Variants in PTPRM observed in about 807,000 individuals in gnomAD.
PTPRM encodes receptor-type tyrosine-protein phosphatase mu.
Under a neutral mutation model 186.7 loss-of-function variants are expected in PTPRM, and 47 were observed. The ratio of observed to expected loss-of-function variants is 0.25; its 90% CI spans 0.20 to 0.32. The LOEUF (loss-of-function observed/expected upper bound fraction) is 0.32. PTPRM is among the 10% of genes least tolerant of loss of function. The pLI, the probability that PTPRM is intolerant of heterozygous loss-of-function variation, is 1.00. For missense variants in PTPRM, 1,494 were observed against 1,865.0 expected (o/e 0.80, Z 3.66); for synonymous variants, 668 against 674.9 (o/e 0.99, Z 0.16).
chr18:7,737,107 A>C lies in PTPRM; in HGVS notation c.74-37042A>C, dbSNP rs1019587910. 2.1e-5 allele frequency among the ~76,000 whole-genome samples: 3 copies of C among 144,626 alleles called. No individual in the cohort carries two copies. The Admixed American group carries it at 2.1e-4, about 10-fold the overall frequency. The allele number at this position is 144,626 out of a possible 152,430, so 94.9% of individuals were successfully genotyped here. A position where few individuals can be genotyped will look rare whatever the true frequency, so the allele number is the denominator to read the frequency against. On this transcript the variant is annotated intron_variant, in intron 1 of 32. Transcript: ENST00000580170. Reference sequence around the variant, plus strand: ...GCGTGAGCCACCACGCCCAGCCCCAACTCTGGAATTTTATTTTATTTTATT... The same window carrying C: ...GCGTGAGCCACCACGCCCAGCCCCACCTCTGGAATTTTATTTTATTTTATT...
At chr18:8,042,274 C>T (rs2086741720) in intron 7 of PTPRM, among the ~76,000 whole-genome samples, 1 of 152,108 alleles carries the variant, frequency 6.6e-6, no homozygotes, top group South Asian at 2.1e-4. Context: ...ATCTGAATAG[C>T]AGTTGGCTTT....
intron 31 of PTPRM, among the ~76,000 whole-genome samples, chr18:8,392,792 C>T (rs1316208773): frequency 6.6e-6 from 1 of 152,112 alleles, no homozygotes; most frequent in Non-Finnish European, 1.5e-5. Flanking sequence ...TGACGGAGCT[C>T]CCACTGGCCA....
intron 7 of PTPRM, among the ~76,000 whole-genome samples, chr18:7,966,293 C>T (rs992351409): frequency 3.3e-5 from 5 of 152,248 alleles, no homozygotes; most frequent in Non-Finnish European, 5.9e-5. Flanking sequence ...ATCCTCCATC[C>T]ATGTTATTAC....
chr18:7,927,559 C>G (rs1451317714), intron 5 of PTPRM, among the ~76,000 whole-genome samples: 1 of 151,548 alleles, frequency 6.6e-6, no homozygotes, highest in Non-Finnish European at 1.5e-5. Context: ...CTTCTGTGTA[C>G]GCGGTTGTGC....
intron 7 of PTPRM, among the ~76,000 whole-genome samples, chr18:7,957,229 T>C (rs2053377714): frequency 6.6e-6 from 1 of 152,032 alleles, no homozygotes; most frequent in Admixed American, 6.6e-5. Context: ...TCTGTACATC[T>C]CAGCTATTGA....
At chr18:8,391,155 T>C (rs937579281) in intron 31 of PTPRM, among the ~76,000 whole-genome samples, 3 of 152,128 alleles carry the variant, frequency 2.0e-5, no homozygotes, top group Non-Finnish European at 4.4e-5. Flanking sequence ...GGAACTCTTA[T>C]ACACTGTAGG....
chr18:7,738,643 G>A (rs1213161905), intron 1 of PTPRM, among the ~76,000 whole-genome samples: 4 of 149,886 alleles, frequency 2.7e-5, no homozygotes, highest in East Asian at 2.0e-4. Context: ...GGGTTTCACC[G>A]TGTTAGCCAG....
At chr18:7,578,150 T>G (rs1034885125) in intron 1 of PTPRM, among the ~76,000 whole-genome samples, 8 of 151,672 alleles carry the variant, frequency 5.3e-5, no homozygotes, top group South Asian at 2.1e-4. Flanking sequence ...TGATGATGAT[T>G]ATGATGATGA....
In PTPRM at chr18:8,311,387, C is replaced by T. The variant is rs76286671; in HGVS notation, c.2843-3394C>T. 6.3e-3 allele frequency among the ~76,000 whole-genome samples: 962 copies of T among 152,078 alleles called. 6 individuals carry two copies. The highest frequency in any genetic ancestry group is 0.017 in the Middle Eastern group (5 of 294). On this transcript the variant is annotated intron_variant, in intron 20 of 32. Coordinates refer to ENST00000580170, the MANE Select transcript of PTPRM (RefSeq NM_001105244.2). ...ATCTTGGATGATCCTGGACCACCACCCATTCATTAGCATGGGGAAGAGTTC... is the reference window on the plus strand; with the variant it reads ...ATCTTGGATGATCCTGGACCACCACTCATTCATTAGCATGGGGAAGAGTTC...
chr18:8,405,404 G>A (rs638932), intron 32 of PTPRM, among the ~76,000 whole-genome samples: 88,973 of 151,926 alleles, frequency 0.59, 26,833 homozygotes, highest in Middle Eastern at 0.69. Flanking sequence ...AGCCAGGACC[G>A]TCCAGGGCAA....
chr18:8,404,442 G>A (rs759207533), intron 32 of PTPRM: 3 of 152,186 alleles, frequency 2.0e-5, no homozygotes, highest in Non-Finnish European at 4.4e-5. Flanking sequence ...TGTACATGTA[G>A]CCGACTTTGA....
chr18:8,016,017 G>A (rs1365301334), intron 7 of PTPRM, among the ~76,000 whole-genome samples: 1 of 152,114 alleles, frequency 6.6e-6, no homozygotes, highest in Non-Finnish European at 1.5e-5. Flanking sequence ...CCTTCTTCCT[G>A]TGTAAACACT....
intron 1 of PTPRM, among the ~76,000 whole-genome samples, chr18:7,723,110 A>T (rs1200912872): frequency 6.6e-6 from 1 of 152,190 alleles, no homozygotes; most frequent in Non-Finnish European, 1.5e-5. Flanking sequence ...AAATAGGGGA[A>T]ATGATGATCA....
rs567073118 is a variant in PTPRM, at chr18:8,141,668, C to A, written c.2168-1979C>A. 3.3e-5 allele frequency among the ~76,000 whole-genome samples: 5 copies of A among 152,222 alleles called. No homozygotes were observed. In the East Asian group the frequency reaches 9.6e-4, roughly 29 times the overall value. On this transcript the variant is annotated intron_variant, in intron 13 of 32. Coordinates refer to ENST00000580170, the MANE Select transcript of PTPRM (RefSeq NM_001105244.2). ...TCTAAACATTTTTTCCCAAGTGTTG[C>A]ATTTAGTGACATAACTTAGTTACAA...
At chr18:7,892,433 A>AT (rs2049128669) in intron 3 of PTPRM, among the ~76,000 whole-genome samples, 1 of 152,194 alleles carries the variant, frequency 6.6e-6, no homozygotes, top group Non-Finnish European at 1.5e-5. Flanking sequence ...ATTTCAGGCC[A>AT]TTGTCATTTT....
intron 9 of PTPRM, 95 bp from the exon 10 acceptor site, chr18:8,085,576 T>A: frequency 9.3e-7 from 1 of 1,076,118 alleles, no homozygotes. Flanking sequence ...TCATAAAGTG[T>A]CTGACAGTGC....
chr18:8,303,551 A>G (rs1480125453), intron 20 of PTPRM, among the ~76,000 whole-genome samples: 1 of 152,214 alleles, frequency 6.6e-6, no homozygotes, highest in African/African-American at 2.4e-5. Flanking sequence ...CATTAAATTC[A>G]GGTGGGCACG....
chr18:7,713,966 G>T (rs927152084), intron 1 of PTPRM, among the ~76,000 whole-genome samples: 10 of 151,892 alleles, frequency 6.6e-5, no homozygotes, highest in African/African-American at 2.4e-4. Context: ...AGATTGGTGA[G>T]ATGGAAAATT....
chr18:8,215,416 A>G (rs760948928), intron 14 of PTPRM, among the ~76,000 whole-genome samples: 6 of 151,850 alleles, frequency 4.0e-5, no homozygotes, highest in South Asian at 2.1e-4. Context: ...CTATTTTCCC[A>G]TGTGTCTGTT....
Sources: allele counts gnomAD v4.1 joint callset (sites outside exome capture counted in the v4.1 genomes callset), GRCh38; gene constraint gnomAD v4.1.1; transcripts MANE v1.5; gene names NCBI Gene and HGNC (gene_info 2026-07-23, HGNC 2026-07-21).